MGAT5B: variants seen among roughly 807,000 people sequenced by gnomAD.
MGAT5B encodes alpha-1,6-mannosylglycoprotein 6-beta-N-acetylglucosaminyltransferase B, also known as N-acetylglucosaminyl-transferase Vb.
A neutral mutation model predicts 95.1 loss-of-function variants in MGAT5B; 54 were observed. That is an observed-to-expected ratio of 0.57 (90% CI 0.46 to 0.71). The LOEUF (loss-of-function observed/expected upper bound fraction) is 0.71, where lower values mean the gene tolerates loss of function less well. Ranked by LOEUF, MGAT5B falls within the 30% of genes least tolerant of loss-of-function variation. MGAT5B has a pLI of 0.00. For synonymous variants in MGAT5B, 464 were observed against 451.0 expected (o/e 1.03, Z -0.36); for missense variants, 935 against 1,088.6 (o/e 0.86, Z 1.99).
At chr17:76,877,011 CCT>C (rs1443522659) in intron 2 of MGAT5B, among the ~76,000 whole-genome samples, 2 of 152,122 alleles carry the variant, frequency 1.3e-5, no homozygotes, top group Non-Finnish European at 2.9e-5. Context: ...TGTTTCCTGC[CCT>C]CTGACTTGTC....
In MGAT5B at chr17:76,926,729, T is replaced by C. The variant is rs199549930; in HGVS notation, c.1290T>C (p.Phe430=). The change falls in exon 10 of 18, where the codon TTT becomes TTC. Residue 430 remains phenylalanine (F), a splice_region_variant and synonymous_variant. Transcript: ENST00000569840. The part of the protein sequence containing the change: ...NLNPKQFMTM[F]PHTPDNSFMG... ...ACCCCAAGCAGTTCATGACCATGTT[T>C]CGTGAGTGCCCCACAGGGCAGGGGT... 16 of 1,612,476 alleles carry C rather than the reference T, an allele frequency of 9.9e-6. No homozygotes were observed. Among genetic ancestry groups the C allele is most frequent in the Non-Finnish European group, 1.4e-5 (16 of 1,179,862 alleles).
At position 76,905,992 on chromosome 17, in the gene MGAT5B, T is replaced by C. The variant is rs369867167; in HGVS notation, c.856-26T>C. 1.3e-6 allele frequency: 2 copies of C among 1,577,116 alleles called. No individual in the cohort carries two copies. Among genetic ancestry groups the C allele is most frequent in the African/African-American group, 2.8e-5 (2 of 72,106 alleles). On this transcript the variant is annotated intron_variant, in intron 7 of 17. Coordinates refer to ENST00000569840, the MANE Select transcript of MGAT5B (RefSeq NM_001199172.2). The surrounding 1 kb of genome is among the most constrained non-coding windows in gnomAD (Gnocchi z 4.2). ...GCTCAGAGCTGCTGCTCCTCTCTGCTGACCCTCTGTGTTCCGCCCACCCAG... is the reference window on the plus strand; with the variant it reads ...GCTCAGAGCTGCTGCTCCTCTCTGCCGACCCTCTGTGTTCCGCCCACCCAG...
Position 76,938,096 on chromosome 17 carries a change from G to A in MGAT5B, c.1537G>A (p.Gly513Ser). The A allele has an allele frequency of 1.9e-6, 3 of 1,614,226 alleles. No homozygotes were observed. Among genetic ancestry groups the A allele is most frequent in the Non-Finnish European group, 1.7e-6 (2 of 1,180,034 alleles). ...GGTGCCAGCCTTTGTGAAGAACCAC[G>A]GCCTCTTACCGCAGCCTGAGTTTCA... Reference protein sequence around the residue: ...PEVPAFVKNHGLLPQPEFQQL... With the variant: ...PEVPAFVKNHSLLPQPEFQQL... Residue 513 changes from glycine (G) to serine (S), a missense_variant, in exon 13 of 18, where the codon GGC becomes AGC. Physicochemically the swap from Gly to Ser is moderately conservative, Grantham distance 56. This residue lies in a region of MGAT5B where 440 missense variants were observed against 523.6 expected (regional missense o/e 0.84). Coordinates refer to ENST00000569840, the MANE Select transcript of MGAT5B (RefSeq NM_001199172.2). The surrounding 1 kb of genome is among the most constrained non-coding windows in gnomAD (Gnocchi z 4.3).
At chr17:76,947,691 T>C in intron 16 of MGAT5B, 139 bp from the exon 17 acceptor site, 1 of 1,327,716 alleles carries the variant, frequency 7.5e-7, no homozygotes, top group Admixed American at 3.6e-5. Context: ...AATGAAATAA[T>C]GCAGGTAAAG....
rs143949620 is a variant in MGAT5B, at chr17:76,898,687, A to T, written c.330-3868A>T. On this transcript the variant is annotated intron_variant, in intron 3 of 17. Coordinates refer to ENST00000569840, the MANE Select transcript of MGAT5B (RefSeq NM_001199172.2). The stretch of plus-strand genomic sequence containing the variant: ...TCATTGCACATAGCAGTAGCTTAGT[A>T]TTTTTTTTATGTCCATAGGTTATTG... 8.4e-3 allele frequency among the ~76,000 whole-genome samples: 1,275 copies of T among 151,912 alleles called. 23 individuals are homozygous for T. The highest frequency in any genetic ancestry group is 0.03 in the African/African-American group (1,227 of 41,438).
rs188756908 is a variant in MGAT5B at position 76,915,222 on chromosome 17, C to T, written c.1025+9035C>T. Among the ~76,000 whole-genome samples, 3 of 151,798 alleles carry T rather than the reference C, an allele frequency of 2.0e-5. No individual in the cohort carries two copies. The East Asian group carries it at 5.8e-4, about 29-fold the overall frequency. ...TGGACATAGGAGGGAGAGAGTATTG[C>T]TGGCAGTGGCTTCAGGGGAGGGTCC... On this transcript the variant is annotated intron_variant, in intron 8 of 17. Coordinates refer to ENST00000569840, the MANE Select transcript of MGAT5B (RefSeq NM_001199172.2). This position sits in a 1 kb window ranked among gnomAD's most constrained non-coding sequence, Gnocchi z 8.7.
At position 76,869,228 on chromosome 17, in the gene MGAT5B, A is replaced by T; in HGVS notation, c.68+131A>T. On this transcript the variant is annotated intron_variant, in intron 1 of 17. Coordinates refer to ENST00000569840, the MANE Select transcript of MGAT5B (RefSeq NM_001199172.2). The surrounding 1 kb of genome is among the most constrained non-coding windows in gnomAD (Gnocchi z 7.0). Reference sequence around the variant, plus strand: ...CACACTTCAACCCCTGGTGATGACCAGTGGGGCTGGGCTGGGGGAACGGAT... The same window carrying T: ...CACACTTCAACCCCTGGTGATGACCTGTGGGGCTGGGCTGGGGGAACGGAT... 827 of 577,850 alleles carry T rather than the reference A, an allele frequency of 1.4e-3. No homozygotes were observed. The highest frequency in any genetic ancestry group is 4.0e-3 in the Middle Eastern group (13 of 3,260). 35.8% of individuals were successfully genotyped at this position (577,850 alleles called of 1,614,324 possible). A position where few individuals can be genotyped will look rare whatever the true frequency, so the allele number is the denominator to read the frequency against.
At chr17:76,907,945 G>T (rs1968590974) in intron 8 of MGAT5B, among the ~76,000 whole-genome samples, 1 of 152,180 alleles carries the variant, frequency 6.6e-6, no homozygotes, top group African/African-American at 2.4e-5. Context: ...AATGGGCTGA[G>T]CATCCTGTCC....
At chr17:76,946,874 C>G (rs1185377332) in intron 16 of MGAT5B, among the ~76,000 whole-genome samples, 1 of 152,240 alleles carries the variant, frequency 6.6e-6, no homozygotes, top group African/African-American at 2.4e-5. Flanking sequence ...CCTGAGAAAC[C>G]AGGGGACAGC....
intron 3 of MGAT5B, among the ~76,000 whole-genome samples, chr17:76,895,054 C>T (rs1485573390): frequency 6.6e-6 from 1 of 152,096 alleles, no homozygotes; most frequent in Non-Finnish European, 1.5e-5. Flanking sequence ...AGTGAGGCTT[C>T]GTCCGTATTT....
intron 4 of MGAT5B, among the ~76,000 whole-genome samples, chr17:76,902,896 A>C (rs552616916): frequency 1.2e-3 from 187 of 152,232 alleles, no homozygotes; most frequent in African/African-American, 4.3e-3. Flanking sequence ...CTGGAGTCTC[A>C]GCTTCTGGGG....
At position 76,870,317 on chromosome 17, in the gene MGAT5B, G is replaced by T. The variant is rs1053146258; in HGVS notation, c.68+1220G>T. Among the ~76,000 whole-genome samples, 1 of 152,156 alleles carries T rather than the reference G, an allele frequency of 6.6e-6. No homozygotes were observed. Among genetic ancestry groups the T allele is most frequent in the African/African-American group, 2.4e-5 (1 of 41,446 alleles). On this transcript the variant is annotated intron_variant, in intron 1 of 17. Transcript: ENST00000569840. This position sits in a 1 kb window ranked among gnomAD's most constrained non-coding sequence, Gnocchi z 5.0. ...CTGGACCTCTGCGGTCCGGGGGTCC[G>T]GGAGGCCCGGAGAGCTGGTGCAGGC...
chr17:76,932,552 A>G, intron 10 of MGAT5B, 93 bp from the exon 11 acceptor site: 1 of 1,563,098 alleles, frequency 6.4e-7, no homozygotes, highest in East Asian at 2.3e-5. Context: ...ACCCCTGCCA[A>G]AAGAGGACCT....
intron 12 of MGAT5B, among the ~76,000 whole-genome samples, chr17:76,936,991 T>C (rs781728314): frequency 1.4e-5 from 2 of 147,046 alleles, no homozygotes; most frequent in Admixed American, 6.8e-5. Flanking sequence ...GGGAGTTTGA[T>C]TGGGATTTCA....
At position 76,898,582 on chromosome 17, in the gene MGAT5B, C is replaced by T. The variant is rs539579762; in HGVS notation, c.330-3973C>T. ...CCTCCCAAAGTGCTGGGATTACAGG[C>T]GTGAGCCACTGTGCCCGGCCCATAA... On this transcript the variant is annotated intron_variant, in intron 3 of 17. Transcript: ENST00000569840. 8.5e-5 allele frequency among the ~76,000 whole-genome samples: 13 copies of T among 152,128 alleles called. No individual in the cohort carries two copies. In the South Asian group the frequency reaches 1.9e-3, roughly 22 times the overall value.
rs1489485267 is a variant in MGAT5B, at chr17:76,938,365, C to T, written c.1584+222C>T. Among the ~76,000 whole-genome samples the T allele has an allele frequency of 2.0e-5, 3 of 152,218 alleles. No homozygotes were observed. The highest frequency in any genetic ancestry group is 2.0e-4 in the Admixed American group (3 of 15,290). ...GAGAAAGGGACCTGGGCAGGGCCAG[C>T]AGAGCAGCAGAGCCGTGGCTCAGTG... On this transcript the variant is annotated intron_variant, in intron 13 of 17. Coordinates refer to ENST00000569840, the MANE Select transcript of MGAT5B (RefSeq NM_001199172.2). The surrounding 1 kb of genome is among the most constrained non-coding windows in gnomAD (Gnocchi z 4.3).
At chr17:76,902,508 G>T in intron 3 of MGAT5B, 47 bp from the exon 4 acceptor site, 1 of 1,443,074 alleles carries the variant, frequency 6.9e-7, no homozygotes, top group Non-Finnish European at 9.5e-7. Flanking sequence ...TCATGGGAAG[G>T]TCACCCCGGC....
rs140427447 is a variant in MGAT5B, at chr17:76,918,668, G to A, written c.1026-6298G>A. Among the ~76,000 whole-genome samples the A allele has an allele frequency of 1.7e-4, 26 of 152,302 alleles. No individual in the cohort carries two copies. Among genetic ancestry groups the A allele is most frequent in the African/African-American group, 6.0e-4 (25 of 41,564 alleles). On this transcript the variant is annotated intron_variant, in intron 8 of 17. Coordinates refer to ENST00000569840, the MANE Select transcript of MGAT5B (RefSeq NM_001199172.2). This position sits in a 1 kb window ranked among gnomAD's most constrained non-coding sequence, Gnocchi z 5.1. ...GTGGCCTGTTGTGGTAATGGGCCAT[G>A]GCAGGGTTGGGGGCTGCCCATGATA... is the stretch of plus-strand genomic sequence containing the variant.
rs1271744418 is a variant in MGAT5B, at chr17:76,905,010, T to C, written c.691-159T>C. 2.0e-5 allele frequency among the ~76,000 whole-genome samples: 3 copies of C among 152,142 alleles called. No homozygotes were observed. The highest frequency in any genetic ancestry group is 7.2e-5 in the African/African-American group (3 of 41,436). The stretch of plus-strand genomic sequence containing the variant: ...GGTGTGTTGACAGGGCGGGCAGGGC[T>C]CCCTGGTTTTGGGGGCTAATGAGCC... On this transcript the variant is annotated intron_variant, in intron 6 of 17. Transcript: ENST00000569840. This position sits in a 1 kb window ranked among gnomAD's most constrained non-coding sequence, Gnocchi z 4.2.
Sources: allele counts gnomAD v4.1 joint callset (sites outside exome capture counted in the v4.1 genomes callset), GRCh38; gene constraint gnomAD v4.1.1; regional missense constraint gnomAD v4.1.1; non-coding constraint Gnocchi (gnomAD v3.1); transcripts MANE v1.5; gene names NCBI Gene and HGNC (gene_info 2026-07-23, HGNC 2026-07-21).